Variants in CLECL1 observed in about 807,000 individuals in gnomAD.
CLECL1 encodes the protein C-type lectin-like domain family 1.
chr12:9,707,249 G>A, the CLECL1 span, among the ~76,000 whole-genome samples: 1 of 152,124 alleles, frequency 6.6e-6, no homozygotes, highest in Non-Finnish European at 1.5e-5. Flanking sequence ...ATGTAGGCAT[G>A]CAGTAGATAC....
downstream of CLECL1, among the ~76,000 whole-genome samples, chr12:9,720,970 G>T (rs193267105): frequency 9.8e-5 from 15 of 152,324 alleles, no homozygotes; most frequent in Admixed American, 2.6e-4. Flanking sequence ...CCAGCTGGTT[G>T]TTCTACAGAG....
the CLECL1 span, among the ~76,000 whole-genome samples, chr12:9,707,417 T>C: frequency 6.6e-6 from 1 of 152,188 alleles, no homozygotes; most frequent in Non-Finnish European, 1.5e-5. Flanking sequence ...TGTTTACACA[T>C]ACATTTGATA....
At chr12:9,722,126 A>G (rs926088211), downstream of CLECL1, among the ~76,000 whole-genome samples, 4 of 152,232 alleles carry the variant, frequency 2.6e-5, no homozygotes, top group Non-Finnish European at 5.9e-5. Context: ...TAACATGTAC[A>G]TTGACCTTAT....
chr12:9,721,323 ATC>A (rs1479750060), downstream of CLECL1, among the ~76,000 whole-genome samples: 1 of 151,778 alleles, frequency 6.6e-6, no homozygotes, highest in African/African-American at 2.4e-5. Context: ...AACATATTTT[ATC>A]TGTTTTTTAC....
intron 1 of CLECL1, among the ~76,000 whole-genome samples, chr12:9,731,723 A>G (rs1282475088): frequency 2.0e-5 from 3 of 152,244 alleles, no homozygotes; most frequent in Non-Finnish European, 4.4e-5. Flanking sequence ...TTAGCATTCT[A>G]AGATTGAACT....
downstream of CLECL1, among the ~76,000 whole-genome samples, chr12:9,720,309 A>G (rs2121044714): frequency 6.6e-6 from 1 of 151,080 alleles, no homozygotes; most frequent in South Asian, 2.1e-4. Flanking sequence ...ATAGGGGAGA[A>G]GGTACTCTGT....
At chr12:9,703,711 A>C in the CLECL1 span, among the ~76,000 whole-genome samples, 1 of 151,990 alleles carries the variant, frequency 6.6e-6, no homozygotes, top group Non-Finnish European at 1.5e-5. Flanking sequence ...AGGTCTTTTA[A>C]TGTCAAAAGA....
downstream of CLECL1, among the ~76,000 whole-genome samples, chr12:9,715,227 CT>C (rs1268915825): frequency 3.3e-5 from 5 of 152,184 alleles, no homozygotes; most frequent in African/African-American, 1.2e-4. Context: ...TGCTGCGTAA[CT>C]TTTTTTCTAA....
the CLECL1 span, among the ~76,000 whole-genome samples, chr12:9,703,244 T>G: frequency 5.3e-5 from 8 of 152,206 alleles, no homozygotes; most frequent in Non-Finnish European, 1.2e-4. Context: ...TTTATGTCCC[T>G]TAAGGCATAA....
At chr12:9,704,818 G>A in the CLECL1 span, among the ~76,000 whole-genome samples, 1 of 152,082 alleles carries the variant, frequency 6.6e-6, no homozygotes, top group Non-Finnish European at 1.5e-5. Context: ...TCGTTGATGG[G>A]CATTTAGGTT....
At chr12:9,711,390 G>T (rs1341329198), downstream of CLECL1, among the ~76,000 whole-genome samples, 1 of 152,050 alleles carries the variant, frequency 6.6e-6, no homozygotes, top group Non-Finnish European at 1.5e-5. Flanking sequence ...AAAAGCTTTG[G>T]TCAAACAAGC....
At chr12:9,702,307 G>A in the CLECL1 span, among the ~76,000 whole-genome samples, 3 of 152,102 alleles carry the variant, frequency 2.0e-5, no homozygotes, top group African/African-American at 7.2e-5. Flanking sequence ...ACTCTTCTCC[G>A]AGGTCCCACC....
chr12:9,719,309 A>G (rs981879278), downstream of CLECL1, among the ~76,000 whole-genome samples: 1 of 152,034 alleles, frequency 6.6e-6, no homozygotes, highest in African/African-American at 2.4e-5. Context: ...GGCAGATCAC[A>G]AGGTCAGGAG....
At chr12:9,714,270 A>G (rs1866218589), downstream of CLECL1, among the ~76,000 whole-genome samples, 1 of 152,084 alleles carries the variant, frequency 6.6e-6, no homozygotes, top group South Asian at 2.1e-4. Flanking sequence ...CTTTCTAATC[A>G]CCTATGGCTA....
chr12:9,705,107 C>A, the CLECL1 span, among the ~76,000 whole-genome samples: 2 of 152,120 alleles, frequency 1.3e-5, no homozygotes, highest in Non-Finnish European at 2.9e-5. Flanking sequence ...AGCCATCTGA[C>A]TGGTGTGGGA....
At chr12:9,727,845 T>C (rs7973638) in intron 2 of CLECL1, among the ~76,000 whole-genome samples, 80,409 of 151,552 alleles carry the variant, frequency 0.53, 21,612 homozygotes, top group African/African-American at 0.6. Flanking sequence ...TTAGAGTCTC[T>C]TTTGCACTCT....
At chr12:9,712,831 A>G (rs1347767590), downstream of CLECL1, among the ~76,000 whole-genome samples, 1 of 152,176 alleles carries the variant, frequency 6.6e-6, no homozygotes, top group Non-Finnish European at 1.5e-5. Flanking sequence ...ATGTAAGTAC[A>G]ACTATTAATA....
intron 2 of CLECL1, among the ~76,000 whole-genome samples, chr12:9,717,317 C>T (rs969267988): frequency 2.2e-4 from 33 of 152,180 alleles, no homozygotes; most frequent in Non-Finnish European, 1.0e-4. Flanking sequence ...GAGCAGAAAC[C>T]CCGTAGTAGT....
chr12:9,723,233 AT>A, intron 3 of CLECL1, among the ~76,000 whole-genome samples: 1 of 152,318 alleles, frequency 6.6e-6, no homozygotes, highest in Middle Eastern at 3.4e-3. Flanking sequence ...CACAAGCAAA[AT>A]TTGTGCTATA....
Sources: allele counts gnomAD v4.1 joint callset (sites outside exome capture counted in the v4.1 genomes callset), GRCh38; gene constraint gnomAD v4.1.1; transcripts MANE v1.5; gene names NCBI Gene and HGNC (gene_info 2026-07-23, HGNC 2026-07-21).